The following MTMR10 variants were observed in gnomAD, a reference collection of about 807,000 sequenced individuals.
MTMR10 encodes the protein myotubularin related protein 10.
In MTMR10, 56 loss-of-function variants were observed where a neutral mutation model predicts 88.1. The ratio of observed to expected loss-of-function variants is 0.64; its 90% CI spans 0.51 to 0.79. The LOEUF is 0.79. Ranked by LOEUF, MTMR10 falls within the 30% of genes least tolerant of loss-of-function variation. The pLI, the probability that MTMR10 is intolerant of heterozygous loss-of-function variation, is 0.00. For missense variants in MTMR10, 883 were observed against 924.7 expected (o/e 0.95, Z 0.58); for synonymous variants, 380 against 340.9 (o/e 1.11, Z -1.26).
intron 2 of MTMR10, among the ~76,000 whole-genome samples, chr15:30,988,987 C>CAAAAA (rs71420538): frequency 1.2e-5 from 1 of 85,882 alleles, no homozygotes; most frequent in Non-Finnish European, 2.6e-5. Flanking sequence ...GACTCTGTCT[C>CAAAAA]AAAAAAAAAA....
chr15:30,951,791 G>A (rs1014341278), intron 12 of MTMR10, among the ~76,000 whole-genome samples, 177 bp downstream of exon 12: 7 of 152,316 alleles, frequency 4.6e-5, no homozygotes, highest in South Asian at 2.1e-4. Context: ...CAGCCACTGC[G>A]CCCAGCCTGT....
At chr15:30,989,027 A>G (rs2031138076) in intron 2 of MTMR10, among the ~76,000 whole-genome samples, 1 of 151,980 alleles carries the variant, frequency 6.6e-6, no homozygotes, top group South Asian at 2.1e-4. Flanking sequence ...ATTTTAAAAA[A>G]TTAAAAAGCA....
At chr15:30,960,745 A>T in intron 7 of MTMR10, 136 bp downstream of exon 7, 1 of 1,170,096 alleles carries the variant, frequency 8.5e-7, no homozygotes, top group Non-Finnish European at 1.1e-6. Context: ...TTAAAATAAA[A>T]TATTTATTAA....
At chr15:30,920,259 A>G in the MTMR10 span, among the ~76,000 whole-genome samples, 502 of 152,340 alleles carry the variant, frequency 3.3e-3, 2 homozygotes, top group African/African-American at 0.011. Context: ...AGTTTGCAGG[A>G]CATAGAAAAT....
intron 2 of MTMR10, 89 bp downstream of exon 2, chr15:30,990,688 G>A: frequency 9.3e-7 from 1 of 1,079,334 alleles, no homozygotes; most frequent in Non-Finnish European, 1.4e-6. Context: ...TGAGAGAAGG[G>A]AAGTTAACCA....
At chr15:30,946,220 G>A (rs11629793) in intron 14 of MTMR10, 42,238 of 152,442 alleles carry the variant, frequency 0.28, 6,296 homozygotes, top group Non-Finnish European at 0.33. Context: ...TGACCAGTGT[G>A]TTTTGTCTTT....
Position 30,954,755 on chromosome 15 carries a change from G to A in MTMR10, c.1066+8C>T. On this transcript the variant is annotated splice_region_variant and intron_variant, in intron 10 of 15. Coordinates refer to ENST00000435680, the MANE Select transcript of MTMR10 (RefSeq NM_017762.3). ...TTCATTATATATATGAAATAAGAAT[G>A]AAATTACCATTAACGCATAGCTGCT... 2 of 1,586,400 alleles carry A rather than the reference G, an allele frequency of 1.3e-6. No homozygotes were observed. Among genetic ancestry groups the A allele is most frequent in the Non-Finnish European group, 1.7e-6 (2 of 1,169,402 alleles).
intron 2 of MTMR10, among the ~76,000 whole-genome samples, chr15:30,988,281 AG>A (rs2031082712): frequency 6.6e-6 from 1 of 152,202 alleles, no homozygotes; most frequent in South Asian, 2.1e-4. Flanking sequence ...GGGGAGAGGA[AG>A]GGGGCAAAAG....
chr15:30,940,840 T>C lies in MTMR10; in HGVS notation c.*630A>G, dbSNP rs551691871. The C allele has an allele frequency of 1.6e-5, 16 of 989,314 alleles. No homozygotes were observed. The East Asian group carries it at 1.0e-3, about 63-fold the overall frequency. 61.3% of individuals were successfully genotyped at this position (989,314 alleles called of 1,614,324 possible). A position where few individuals can be genotyped will look rare whatever the true frequency, so the allele number is the denominator to read the frequency against. ...TCAAAGGCACTTCTAAGTTTAATTA[T>C]CTGCAGCAAATGCTTTAAAATTAAC... On this transcript the variant is annotated 3_prime_UTR_variant, in exon 16 of 16. Transcript: ENST00000435680.
At chr15:30,948,597 A>T (rs894439360) in intron 12 of MTMR10, 126 bp from the exon 13 acceptor site, 11 of 904,884 alleles carry the variant, frequency 1.2e-5, no homozygotes, top group Non-Finnish European at 1.8e-5. Flanking sequence ...CTGTATAAGG[A>T]AATTTTACTG....
At position 30,959,124 on chromosome 15, in the gene MTMR10, G is replaced by A. The variant is rs2063366377; in HGVS notation, c.759-3C>T. The A allele has an allele frequency of 1.3e-6, 2 of 1,555,218 alleles. No individual in the cohort carries two copies. Among genetic ancestry groups the A allele is most frequent in the East Asian group, 5.0e-5 (2 of 40,182 alleles). On this transcript the variant is annotated splice_polypyrimidine_tract_variant and splice_region_variant and intron_variant, in intron 7 of 15. Coordinates refer to ENST00000435680, the MANE Select transcript of MTMR10 (RefSeq NM_017762.3). Reference sequence around the variant, plus strand: ...GCACTACAATGTATTCTGGAAGGCTGGAGGGGAAAAAAAAAATTATATGAG... The same window carrying A: ...GCACTACAATGTATTCTGGAAGGCTAGAGGGGAAAAAAAAAATTATATGAG...
chr15:30,922,943 C>A, the MTMR10 span, among the ~76,000 whole-genome samples: 5 of 152,236 alleles, frequency 3.3e-5, no homozygotes, highest in Admixed American at 3.3e-4. Context: ...CACAGCCAGG[C>A]GGGTGAGGCC....
rs72710416 is a variant in MTMR10, at chr15:30,940,331, C to T, written c.*1139G>A. 0.018 allele frequency: 17,899 copies of T among 985,388 alleles called. 194 individuals are homozygous for T. The highest frequency in any genetic ancestry group is 0.02 in the Non-Finnish European group (16,703 of 829,910). The allele number at this position is 985,388 out of a possible 1,614,324, so 61.0% of individuals were successfully genotyped here. A position where few individuals can be genotyped will look rare whatever the true frequency, so the allele number is the denominator to read the frequency against. On this transcript the variant is annotated 3_prime_UTR_variant, in exon 16 of 16. Coordinates refer to ENST00000435680, the MANE Select transcript of MTMR10 (RefSeq NM_017762.3). ...AACAACTGTGTCTGCTCATTCTCCT[C>T]AACTTTGCTGTCCAAAGTTGGGGGC... is the stretch of plus-strand genomic sequence containing the variant.
At position 30,952,041 on chromosome 15, in the gene MTMR10, G is replaced by A. The variant is rs1392813135; in HGVS notation, c.1137-3C>T. On this transcript the variant is annotated splice_region_variant and splice_polypyrimidine_tract_variant and intron_variant, in intron 11 of 15. Transcript: ENST00000435680. ...CTGCTGAATGCTTAAGGAATGCCCT[G>A]AAGAGAGAAAAGGAAAAGCAGTGTT... 6.2e-7 allele frequency: 1 copy of A among 1,612,832 alleles called. No individual in the cohort carries two copies. Among genetic ancestry groups the A allele is most frequent in the Admixed American group, 1.7e-5 (1 of 59,982 alleles).
intron 5 of MTMR10, among the ~76,000 whole-genome samples, chr15:30,970,699 T>C (rs1225098734): frequency 6.6e-6 from 1 of 152,182 alleles, no homozygotes; most frequent in Non-Finnish European, 1.5e-5. Flanking sequence ...ACATCCTTTT[T>C]TTGTGGCCAT....
chr15:30,937,320 GTTTTA>G (rs748704202), downstream of MTMR10: 4 of 1,492,428 alleles, frequency 2.7e-6, no homozygotes, highest in African/African-American at 2.8e-5. Flanking sequence ...TATAAAACAT[GTTTTA>G]TTTAATTTTG....
At chr15:30,930,472 G>T in the MTMR10 span, 1 of 1,518,912 alleles carries the variant, frequency 6.6e-7, no homozygotes. Context: ...TCTCCGTCTC[G>T]TGATCCCTGG....
At position 30,939,190 on chromosome 15, in the gene MTMR10, A is replaced by C; in HGVS notation, c.*2280T>G. 1 of 985,402 alleles carries C rather than the reference A, an allele frequency of 1.0e-6. No individual in the cohort carries two copies. Among genetic ancestry groups the C allele is most frequent in the Non-Finnish European group, 1.2e-6 (1 of 829,888 alleles). The allele number at this position is 985,402 out of a possible 1,614,324, so 61.0% of individuals were successfully genotyped here. Reference sequence around the variant, plus strand: ...AGTACAAATTAATATCCTTTCCTTAAATAAAGTTAGTTAGCTATTTTTGGT... The same window carrying C: ...AGTACAAATTAATATCCTTTCCTTACATAAAGTTAGTTAGCTATTTTTGGT... On this transcript the variant is annotated 3_prime_UTR_variant, in exon 16 of 16. Coordinates refer to ENST00000435680, the MANE Select transcript of MTMR10 (RefSeq NM_017762.3).
intron 9 of MTMR10, 136 bp downstream of exon 9, chr15:30,958,727 G>A (rs1429025730): frequency 1.3e-6 from 1 of 799,292 alleles, no homozygotes. Context: ...TTTTCAAAAT[G>A]GCAATTCTTA....
Sources: allele counts gnomAD v4.1 joint callset (sites outside exome capture counted in the v4.1 genomes callset), GRCh38; gene constraint gnomAD v4.1.1; transcripts MANE v1.5; gene names NCBI Gene and HGNC (gene_info 2026-07-23, HGNC 2026-07-21).